The following MEI4 variants were observed in gnomAD, a reference collection of about 807,000 sequenced individuals.
The protein encoded by MEI4 is meiotic double-stranded break formation protein 4.
A neutral mutation model predicts 31.4 loss-of-function variants in MEI4; 27 were observed. That is an observed-to-expected ratio of 0.86 (90% CI 0.63 to 1.19). MEI4 has a LOEUF of 1.19. Ranked by LOEUF, MEI4 falls within the 50% of genes most tolerant of loss-of-function variation. The pLI is 0.00. For missense variants in MEI4, 329 were observed against 398.9 expected (o/e 0.82, Z 1.49); for synonymous variants, 122 against 145.4 (o/e 0.84, Z 1.16).
chr6:77,888,274 G>A (rs900257038), intron 4 of MEI4, among the ~76,000 whole-genome samples: 9 of 150,278 alleles, frequency 6.0e-5, no homozygotes, highest in African/African-American at 1.7e-4. Flanking sequence ...TTATTGATAG[G>A]TGAGGACTTA....
chr6:77,715,894 T>C (rs1232582073), intron 2 of MEI4, among the ~76,000 whole-genome samples: 3 of 152,246 alleles, frequency 2.0e-5, no homozygotes, highest in East Asian at 3.8e-4. Context: ...GTTACAATTT[T>C]TTTTTCTATT....
At chr6:77,908,767 T>G (rs1001664164) in intron 4 of MEI4, among the ~76,000 whole-genome samples, 2 of 152,106 alleles carry the variant, frequency 1.3e-5, no homozygotes, top group Non-Finnish European at 2.9e-5. Context: ...CATTACATAA[T>G]GGTAAAGGGA....
chr6:77,866,751 C>A (rs957578910), intron 4 of MEI4, among the ~76,000 whole-genome samples: 1 of 152,160 alleles, frequency 6.6e-6, no homozygotes, highest in Non-Finnish European at 1.5e-5. Context: ...CAAAAAAGAG[C>A]CCACATTGCC....
chr6:77,898,838 C>G (rs915659554), intron 4 of MEI4, among the ~76,000 whole-genome samples: 1 of 151,864 alleles, frequency 6.6e-6, no homozygotes, highest in Non-Finnish European at 1.5e-5. Flanking sequence ...TTTTCTGTAT[C>G]AGAGATAGCA....
At chr6:77,728,640 G>T (rs898440857) in intron 2 of MEI4, among the ~76,000 whole-genome samples, 1 of 152,210 alleles carries the variant, frequency 6.6e-6, no homozygotes, top group African/African-American at 2.4e-5. Flanking sequence ...CACTAATTTA[G>T]ACTGGATCGT....
intron 4 of MEI4, among the ~76,000 whole-genome samples, chr6:77,894,945 A>G (rs1766047938): frequency 6.6e-6 from 1 of 152,108 alleles, no homozygotes; most frequent in Non-Finnish European, 1.5e-5. Flanking sequence ...TTTTCTGTTG[A>G]TTTTACCCTC....
chr6:77,775,097 T>C (rs1450193822), intron 3 of MEI4, among the ~76,000 whole-genome samples: 1 of 152,118 alleles, frequency 6.6e-6, no homozygotes, highest in Non-Finnish European at 1.5e-5. Context: ...ACAAGAATAT[T>C]TGCGACGGCA....
At chr6:77,802,379 G>T (rs1402109547) in intron 3 of MEI4, among the ~76,000 whole-genome samples, 1 of 152,108 alleles carries the variant, frequency 6.6e-6, no homozygotes, top group African/African-American at 2.4e-5. Context: ...CATGTGAGAT[G>T]GGTTTCCTGA....
intron 1 of MEI4, among the ~76,000 whole-genome samples, chr6:77,662,309 C>G (rs980326204): frequency 6.6e-6 from 1 of 152,010 alleles, no homozygotes; most frequent in Non-Finnish European, 1.5e-5. Flanking sequence ...ATCAATAAAC[C>G]AAGTGTGATC....
At chr6:77,734,681 T>C (rs550569397) in intron 2 of MEI4, among the ~76,000 whole-genome samples, 17 of 152,170 alleles carry the variant, frequency 1.1e-4, no homozygotes, top group African/African-American at 4.1e-4. Context: ...CCTGTCATTA[T>C]GTTAGCTGGT....
chr6:77,905,203 G>C (rs901960973), intron 4 of MEI4, among the ~76,000 whole-genome samples: 3 of 151,688 alleles, frequency 2.0e-5, no homozygotes, highest in African/African-American at 7.3e-5. Flanking sequence ...GTTTTGGGGG[G>C]ATTGTTTGTT....
At chr6:77,877,557 C>T (rs762538159) in intron 4 of MEI4, among the ~76,000 whole-genome samples, 3 of 151,932 alleles carry the variant, frequency 2.0e-5, no homozygotes, top group Non-Finnish European at 4.4e-5. Context: ...ATGTAGATGG[C>T]TCATGGTACA....
At chr6:77,765,801 T>C (rs1768159788) in intron 3 of MEI4, among the ~76,000 whole-genome samples, 3 of 152,194 alleles carry the variant, frequency 2.0e-5, no homozygotes, top group Admixed American at 1.3e-4. Context: ...TGTCCAACAA[T>C]GATAGACTGG....
chr6:77,803,239 T>C (rs964839931), intron 3 of MEI4, among the ~76,000 whole-genome samples: 1 of 152,228 alleles, frequency 6.6e-6, no homozygotes, highest in Non-Finnish European at 1.5e-5. Context: ...CCATCACTGA[T>C]ACCCTTTCTT....
chr6:77,749,444 A>C (rs1158338857), intron 2 of MEI4, among the ~76,000 whole-genome samples: 1 of 152,170 alleles, frequency 6.6e-6, no homozygotes, highest in Non-Finnish European at 1.5e-5. Flanking sequence ...GGAGCTGAAA[A>C]ACACAGCATG....
intron 1 of MEI4, among the ~76,000 whole-genome samples, chr6:77,689,994 CT>C (rs1430706939): frequency 3.9e-5 from 6 of 151,934 alleles, no homozygotes; most frequent in Non-Finnish European, 4.4e-5. Flanking sequence ...TATTTTAAGA[CT>C]GTGACACACT....
intron 4 of MEI4, among the ~76,000 whole-genome samples, chr6:77,862,695 A>G (rs957656484): frequency 6.6e-6 from 1 of 152,174 alleles, no homozygotes; most frequent in African/African-American, 2.4e-5. Flanking sequence ...TGCAGACTTA[A>G]ATGTCCCTGT....
Position 77,923,255 on chromosome 6 carries a change from A to C in MEI4, c.1067A>C (p.Gln356Pro), listed in dbSNP as rs1346480671. 4.9e-6 allele frequency: 6 copies of C among 1,230,400 alleles called. No homozygotes were observed. Among genetic ancestry groups the C allele is most frequent in the Non-Finnish European group, 6.1e-6 (6 of 986,852 alleles). 76.2% of individuals were successfully genotyped at this position (1,230,400 alleles called of 1,614,324 possible). A position where few individuals can be genotyped will look rare whatever the true frequency, so the allele number is the denominator to read the frequency against. The change falls in exon 5 of 5, where the codon CAA becomes CCA. Residue 356 changes from glutamine to proline, a missense_variant. Physicochemically the swap from Gln to Pro is moderately conservative, Grantham distance 76. Coordinates refer to ENST00000684080, the MANE Select transcript of MEI4 (RefSeq NM_001322247.2). ...CAGAAGCATGATGAAACTATTTTCC[A>C]ACTTTCTGATGCATTTCCTTTGTTT... ...FLQKHDETIF[Q>P]LSDAFPLFTF...
chr6:77,777,791 A>G (rs2127689063), intron 3 of MEI4, among the ~76,000 whole-genome samples: 1 of 152,264 alleles, frequency 6.6e-6, no homozygotes, highest in East Asian at 1.9e-4. Flanking sequence ...CAAAACTTAC[A>G]TTTAAAATGC....
Sources: gnomAD v4.1 joint callset for allele counts (sites outside exome capture counted in the v4.1 genomes callset) on GRCh38, gnomAD v4.1.1 for gene constraint, MANE v1.5 for transcripts, NCBI Gene and HGNC (gene_info 2026-07-23, HGNC 2026-07-21) for gene names.